THRAP3: variants seen among roughly 807,000 people sequenced by gnomAD.
THRAP3 encodes the protein thyroid hormone receptor-associated protein 3.
In THRAP3, 16 loss-of-function variants were observed where a neutral mutation model predicts 101.0. The observed-to-expected ratio is 0.16, with a 90% confidence interval of 0.11 to 0.24. The LOEUF (loss-of-function observed/expected upper bound fraction) is 0.24. Among genes scored for constraint, THRAP3 ranks in the 10% least tolerant of loss-of-function variants. THRAP3 has a pLI of 1.00. For missense variants in THRAP3, 989 were observed against 1,202.7 expected (o/e 0.82, Z 2.63); for synonymous variants, 407 against 422.6 (o/e 0.96, Z 0.45).
intron 1 of THRAP3, among the ~76,000 whole-genome samples, chr1:36,258,989 A>T (rs1031854121): frequency 6.6e-6 from 1 of 152,164 alleles, no homozygotes; most frequent in African/African-American, 2.4e-5. Context: ...GAGTTACTTT[A>T]CCTTGAAATG....
At position 36,252,036 on chromosome 1, in the gene THRAP3, G is replaced by T. The variant is rs146778896; in HGVS notation, c.-134-7346G>T. Among the ~76,000 whole-genome samples the T allele has an allele frequency of 4.5e-3, 679 of 152,292 alleles. 3 individuals are homozygous for T. The highest frequency in any genetic ancestry group is 0.015 in the African/African-American group (625 of 41,560). On this transcript the variant is annotated intron_variant, in intron 1 of 11. Transcript: ENST00000354618. ...ACTTTTATTTGTTTTACTATGAGTT[G>T]CTGGGCATAAATATTAAAAAATATC... is the stretch of plus-strand genomic sequence containing the variant.
chr1:36,274,466 T>C (rs1287301414), intron 2 of THRAP3, among the ~76,000 whole-genome samples: 1 of 152,174 alleles, frequency 6.6e-6, no homozygotes, highest in African/African-American at 2.4e-5. Flanking sequence ...AAAACTATTT[T>C]GAAAAAGAGA....
chr1:36,222,797 G>A (rs550911050), upstream of THRAP3, among the ~76,000 whole-genome samples: 2 of 152,268 alleles, frequency 1.3e-5, no homozygotes, highest in Admixed American at 1.3e-4. Flanking sequence ...TTTACACTGG[G>A]CATTGTATAC....
intron 2 of THRAP3, among the ~76,000 whole-genome samples, chr1:36,269,598 G>T (rs1043888980): frequency 2.0e-5 from 3 of 152,150 alleles, no homozygotes; most frequent in African/African-American, 7.2e-5. Flanking sequence ...GAGCACACAC[G>T]TGGAAAAGCA....
chr1:36,239,320 C>T (rs115112870), intron 1 of THRAP3, among the ~76,000 whole-genome samples: 12,587 of 146,160 alleles, frequency 0.086, 754 homozygotes, highest in Middle Eastern at 0.24. Flanking sequence ...AGTGCAGTGG[C>T]TCGATGTCAG....
chr1:36,259,903 G>A (rs1289728456), intron 2 of THRAP3, among the ~76,000 whole-genome samples: 1 of 152,178 alleles, frequency 6.6e-6, no homozygotes, highest in African/African-American at 2.4e-5. Flanking sequence ...ATTTTGGGAA[G>A]CAGTCCCTTT....
At chr1:36,303,560 G>C (rs1156500625) in intron 11 of THRAP3, among the ~76,000 whole-genome samples, 1 of 152,082 alleles carries the variant, frequency 6.6e-6, no homozygotes, top group East Asian at 1.9e-4. Flanking sequence ...GTCAATCATC[G>C]TTACAATGCC....
chr1:36,214,288 G>T, the THRAP3 span, among the ~76,000 whole-genome samples: 1 of 152,210 alleles, frequency 6.6e-6, no homozygotes, highest in East Asian at 1.9e-4. Flanking sequence ...GGCTAGGGAG[G>T]TAGTACCTAG....
At position 36,242,023 on chromosome 1, in the gene THRAP3, G is replaced by T. The variant is rs145092876; in HGVS notation, c.-134-17359G>T. On this transcript the variant is annotated intron_variant, in intron 1 of 11. Coordinates refer to ENST00000354618, the MANE Select transcript of THRAP3 (RefSeq NM_005119.4). Reference sequence around the variant, plus strand: ...GGATTTTGCCATTTTGCTAACACTGGTATGCTCCATGCATCCACAGTCCCG... The same window carrying T: ...GGATTTTGCCATTTTGCTAACACTGTTATGCTCCATGCATCCACAGTCCCG... The T allele has an allele frequency of 2.6e-3, 461 of 177,696 alleles. 1 individual carries two copies. The highest frequency in any genetic ancestry group is 2.7e-3 in the Non-Finnish European group (210 of 76,638). The allele number at this position is 177,696 out of a possible 1,614,324, so 11.0% of individuals were successfully genotyped here. A position where few individuals can be genotyped will look rare whatever the true frequency, so the allele number is the denominator to read the frequency against.
At position 36,265,526 on chromosome 1, in the gene THRAP3, G is replaced by A. The variant is rs1645503397; in HGVS notation, c.-32+6042G>A. 2.1e-5 allele frequency among the ~76,000 whole-genome samples: 3 copies of A among 143,850 alleles called. No individual in the cohort carries two copies. The South Asian group carries it at 6.5e-4, about 31-fold the overall frequency. The allele number at this position is 143,850 out of a possible 152,430, so 94.4% of individuals were successfully genotyped here. ...GCATGCATGGCACAGTAAGTGTTCA[G>A]TAAATCTTGATAAGATGAGCAGAAG... On this transcript the variant is annotated intron_variant, in intron 2 of 11. Transcript: ENST00000354618.
rs984571557 is a variant in THRAP3, at chr1:36,287,897, T to G, written c.1040+627T>G. 4.1e-6 allele frequency: 4 copies of G among 985,300 alleles called. No individual in the cohort carries two copies. The African/African-American group carries it at 7.0e-5, about 17-fold the overall frequency. The allele number at this position is 985,300 out of a possible 1,614,324, so 61.0% of individuals were successfully genotyped here. A position where few individuals can be genotyped will look rare whatever the true frequency, so the allele number is the denominator to read the frequency against. ...GTGAGTTGGAACATGAATCTTTGTT[T>G]GTATGGTTGGATGGATTGGGATGGC... On this transcript the variant is annotated intron_variant, in intron 4 of 11. Transcript: ENST00000354618.
chr1:36,235,811 T>G (rs917795117), intron 1 of THRAP3, among the ~76,000 whole-genome samples: 3 of 152,172 alleles, frequency 2.0e-5, no homozygotes, highest in Admixed American at 2.0e-4. Context: ...AACCTAAATA[T>G]ATGCCACCAT....
intron 1 of THRAP3, among the ~76,000 whole-genome samples, chr1:36,234,090 G>C (rs7551278): frequency 0.024 from 3,666 of 152,164 alleles, 149 homozygotes; most frequent in African/African-American, 0.083. Context: ...TGAGTAGCTA[G>C]GACTATAGGT....
At chr1:36,249,054 G>A (rs1457239927) in intron 1 of THRAP3, among the ~76,000 whole-genome samples, 1 of 151,496 alleles carries the variant, frequency 6.6e-6, no homozygotes, top group Non-Finnish European at 1.5e-5. Context: ...CATCTGGCTA[G>A]TTTTTGTATT....
rs905084896 is a variant in THRAP3 at position 36,303,727 on chromosome 1, G to A, written c.2647-69G>A. ...TTTTGGGAAAGGCACATTTGGGTGC[G>A]TGCAGAGAAGAGAGCTCTGGCCACA... On this transcript the variant is annotated intron_variant, in intron 11 of 11. Coordinates refer to ENST00000354618, the MANE Select transcript of THRAP3 (RefSeq NM_005119.4). The A allele has an allele frequency of 3.8e-5, 61 of 1,606,620 alleles. 3 individuals are homozygous for A. In the Middle Eastern group the frequency reaches 5.0e-4, roughly 13 times the overall value.
chr1:36,282,773 T>TA (rs1015201118), intron 3 of THRAP3, 73 bp downstream of exon 3: 1 of 1,573,930 alleles, frequency 6.4e-7, no homozygotes, highest in African/African-American at 1.4e-5. Flanking sequence ...GATCTTTTGT[T>TA]AGACTTTTCC....
upstream of THRAP3, among the ~76,000 whole-genome samples, chr1:36,223,684 G>A (rs1169508881): frequency 6.6e-6 from 1 of 152,174 alleles, no homozygotes; most frequent in Admixed American, 6.6e-5. Flanking sequence ...GTAGACTGCA[G>A]GGAGACACTC....
intron 1 of THRAP3, among the ~76,000 whole-genome samples, chr1:36,254,865 T>A (rs1045210192): frequency 6.6e-6 from 1 of 152,234 alleles, no homozygotes; most frequent in African/African-American, 2.4e-5. Context: ...AGATTTGGTC[T>A]GTGTGCCTTA....
At chr1:36,265,958 A>G (rs893217174) in intron 2 of THRAP3, among the ~76,000 whole-genome samples, 4 of 151,994 alleles carry the variant, frequency 2.6e-5, no homozygotes, top group African/African-American at 9.7e-5. Context: ...GTTTGAGACC[A>G]GCTTGGCCAG....
Sources: allele counts gnomAD v4.1 joint callset (sites outside exome capture counted in the v4.1 genomes callset), GRCh38; gene constraint gnomAD v4.1.1; transcripts MANE v1.5; gene names NCBI Gene and HGNC (gene_info 2026-07-23, HGNC 2026-07-21).